The following FARP1 variants were observed in gnomAD, a reference collection of about 807,000 sequenced individuals.
The protein encoded by FARP1 is FERM, ARHGEF and pleckstrin domain-containing protein 1.
A neutral mutation model predicts 128.8 loss-of-function variants in FARP1; 52 were observed. The observed-to-expected ratio is 0.40, with a 90% CI of 0.32 to 0.51. The LOEUF is 0.51. FARP1 is among the 20% of genes least tolerant of loss of function. The pLI, the probability that FARP1 is intolerant of heterozygous loss-of-function variation, is 0.45. For missense variants in FARP1, 1,333 were observed against 1,367.9 expected, an observed-to-expected ratio of 0.97 and a Z score of 0.40; for synonymous variants, 580 against 551.8, an observed-to-expected ratio of 1.05 and a Z score of -0.72.
intron 19 of FARP1, chr13:98,437,838 A>C (rs776777550): frequency 1.9e-6 from 3 of 1,597,122 alleles, no homozygotes; most frequent in Non-Finnish European, 1.7e-6. Flanking sequence ...TCCAGAGAGG[A>C]GGCCATTGTT....
chr13:98,401,133 A>G (rs1406485546), intron 13 of FARP1: 1 of 152,216 alleles, frequency 6.6e-6, no homozygotes, highest in African/African-American at 2.4e-5. Context: ...CCGTAAGAGC[A>G]TATGGAGAGA....
intron 1 of FARP1, among the ~76,000 whole-genome samples, chr13:98,151,769 C>G (rs1257041646): frequency 6.8e-6 from 1 of 146,146 alleles, no homozygotes; most frequent in African/African-American, 2.5e-5. Context: ...TCAAGCAATT[C>G]TCCTGCCTCA....
At chr13:98,242,568 G>A (rs1446251790) in intron 2 of FARP1, among the ~76,000 whole-genome samples, 1 of 152,068 alleles carries the variant, frequency 6.6e-6, no homozygotes, top group Non-Finnish European at 1.5e-5. Flanking sequence ...AGTCCCAGCT[G>A]CTTAGGAGGC....
chr13:98,453,148 C>T lies in FARP1; in HGVS notation c.*4831C>T. 6.2e-7 allele frequency: 1 copy of T among 1,613,276 alleles called. No homozygotes were observed. The highest frequency in any genetic ancestry group is 8.5e-7 in the Non-Finnish European group (1 of 1,179,652). ...GGATGAAGAAGGAAAAAAGGAAAAACAAAACCCCAAATGCCAAAGGAATTT... is the reference window on the plus strand; with the variant it reads ...GGATGAAGAAGGAAAAAAGGAAAAATAAAACCCCAAATGCCAAAGGAATTT... On this transcript the variant is annotated 3_prime_UTR_variant, in exon 27 of 27. Transcript: ENST00000319562.
In FARP1 at chr13:98,393,671, A is replaced by T; in HGVS notation, c.1117A>T (p.Ser373Cys). Residue 373 changes from serine to cysteine, a missense_variant, in exon 12 of 27, where the codon AGC (serine) becomes TGC (cysteine). Ser to Cys is a moderately radical substitution (Grantham distance 112). This residue lies in a region of FARP1 where 1,009 missense variants were observed against 969.8 expected (regional missense o/e 1.04). Transcript: ENST00000319562. ...GCACAGCAAGATTCATTCTATCCGG[A>T]GCCTTGCTTCACAGCCTACAGAACT... ...RKHSKIHSIR[S>C]LASQPTELNS... 3 of 1,614,104 alleles carry T rather than the reference A, an allele frequency of 1.9e-6. No homozygotes were observed. The highest frequency in any genetic ancestry group is 2.5e-6 in the Non-Finnish European group (3 of 1,179,964).
chr13:98,391,236 A>G (rs949006587), intron 11 of FARP1, among the ~76,000 whole-genome samples: 21 of 152,240 alleles, frequency 1.4e-4, no homozygotes, highest in African/African-American at 5.1e-4. Context: ...AAGCATGTCT[A>G]TGAACATTTT....
Position 98,379,015 on chromosome 13 carries a change from CTATATATAA to C in FARP1, c.496+1113_496+1121del, listed in dbSNP as rs1341518740. On this transcript the variant is annotated intron_variant, in intron 6 of 26. Coordinates refer to ENST00000319562, the MANE Select transcript of FARP1 (RefSeq NM_005766.4). ...ATATATAATATATACAATATATAAT[CTATATATAA>C]TATATATAATATATACAATATGTAA... Among the ~76,000 whole-genome samples the C allele has an allele frequency of 5.1e-4, 33 of 65,208 alleles. 7 individuals carry two copies. Among genetic ancestry groups the C allele is most frequent in the Non-Finnish European group, 7.2e-4 (29 of 40,094 alleles). The allele number at this position is 65,208 out of a possible 152,430, so 42.8% of individuals were successfully genotyped here.
intron 2 of FARP1, among the ~76,000 whole-genome samples, chr13:98,313,451 G>A (rs766273980): frequency 9.2e-5 from 14 of 152,232 alleles, no homozygotes; most frequent in Admixed American, 7.8e-4. Context: ...AGCGCCACCA[G>A]GAGAGGCATG....
chr13:98,401,417 C>CACACACACACACACACACACACAG (rs915419743), intron 13 of FARP1: 3 of 150,022 alleles, frequency 2.0e-5, no homozygotes, highest in Non-Finnish European at 3.0e-5. Flanking sequence ...AATGACAAAA[C>CACACACACACACACACACACACAG]ACACACACAC....
At chr13:98,317,849 G>A (rs1299858902) in intron 2 of FARP1, among the ~76,000 whole-genome samples, 2 of 152,108 alleles carry the variant, frequency 1.3e-5, no homozygotes, top group African/African-American at 4.8e-5. Flanking sequence ...GGCAGAGAGA[G>A]AGCAAGCAAA....
chr13:98,316,458 C>T (rs554473288), intron 2 of FARP1, among the ~76,000 whole-genome samples: 6 of 152,322 alleles, frequency 3.9e-5, no homozygotes, highest in African/African-American at 1.4e-4. Context: ...GGTCACACAG[C>T]CCATGCGTGG....
At chr13:98,244,556 C>T in intron 2 of FARP1, 1 of 1,614,196 alleles carries the variant, frequency 6.2e-7, no homozygotes. Flanking sequence ...TACTGAGATG[C>T]TCCATGAAGC....
intron 2 of FARP1, among the ~76,000 whole-genome samples, chr13:98,253,852 G>A (rs1236539777): frequency 7.2e-5 from 11 of 152,318 alleles, no homozygotes; most frequent in Admixed American, 1.3e-4. Context: ...GGTGGAGGCA[G>A]AATTTCTGGG....
At position 98,317,860 on chromosome 13, in the gene FARP1, C is replaced by T. The variant is rs141603953; in HGVS notation, c.172-25902C>T. Among the ~76,000 whole-genome samples, 475 of 152,178 alleles carry T rather than the reference C, an allele frequency of 3.1e-3. 2 individuals are homozygous for T. The highest frequency in any genetic ancestry group is 0.011 in the African/African-American group (453 of 41,524). On this transcript the variant is annotated intron_variant, in intron 2 of 26. Transcript: ENST00000319562. ...TCATGGCAGAGAGAGAGCAAGCAAA[C>T]TCTGGTGTCTCCTCCTCCTTTCTTT...
intron 2 of FARP1, among the ~76,000 whole-genome samples, chr13:98,298,805 C>T (rs1885806197): frequency 1.3e-5 from 2 of 152,288 alleles, no homozygotes; most frequent in Non-Finnish European, 2.9e-5. Flanking sequence ...AGGTGAGTTA[C>T]ACCCGCTGAT....
At chr13:98,250,907 G>A (rs1164026470) in intron 2 of FARP1, among the ~76,000 whole-genome samples, 2 of 152,130 alleles carry the variant, frequency 1.3e-5, no homozygotes, top group Non-Finnish European at 2.9e-5. Context: ...GATTTGGTTT[G>A]TAAATTACTG....
intron 13 of FARP1, among the ~76,000 whole-genome samples, chr13:98,409,026 C>T (rs1891085596): frequency 6.6e-6 from 1 of 152,142 alleles, no homozygotes; most frequent in Non-Finnish European, 1.5e-5. Flanking sequence ...TAGAAGTAAG[C>T]AGTAGTTGGG....
intron 1 of FARP1, chr13:98,177,838 G>C (rs1878206920): frequency 6.6e-6 from 1 of 152,134 alleles, no homozygotes; most frequent in Non-Finnish European, 1.5e-5. Flanking sequence ...TAGCGAACCG[G>C]TGGTGCTCAT....
At chr13:98,331,299 TTTG>T (rs1887499826) in intron 2 of FARP1, among the ~76,000 whole-genome samples, 1 of 152,230 alleles carries the variant, frequency 6.6e-6, no homozygotes, top group Non-Finnish European at 1.5e-5. Context: ...GTGTTCGTAT[TTTG>T]TCCTACTCTA....
Sources: gnomAD v4.1 joint callset for allele counts (sites outside exome capture counted in the v4.1 genomes callset) on GRCh38, gnomAD v4.1.1 for gene constraint, gnomAD v4.1.1 regional missense constraint, MANE v1.5 for transcripts, NCBI Gene and HGNC (gene_info 2026-07-23, HGNC 2026-07-21) for gene names.